Variants in KLHL24 observed in about 807,000 individuals in gnomAD.
The protein encoded by KLHL24 is kelch-like protein 24.
KLHL24 carries 29 observed loss-of-function variants against 53.4 expected under a neutral mutation model. The observed-to-expected ratio is 0.54, with a 90% CI of 0.40 to 0.74. The LOEUF is 0.74. Among genes scored for constraint, KLHL24 ranks in the 30% least tolerant of loss-of-function variants. The probability of loss-of-function intolerance (pLI) is 0.00; values close to 1 mark genes in which losing one functional copy is unlikely to be tolerated. For missense variants in KLHL24, 504 were observed against 744.0 expected (o/e 0.68, Z 3.75); for synonymous variants, 222 against 253.7 (o/e 0.88, Z 1.19).
At chr3:183,639,584 C>G (rs142886609) in intron 1 of KLHL24, among the ~76,000 whole-genome samples, 9,615 of 136,872 alleles carry the variant, frequency 0.07, 1,128 homozygotes, top group African/African-American at 0.25. Context: ...GAGCCAAGAT[C>G]GCGCCGCTGC....
intron 7 of KLHL24, among the ~76,000 whole-genome samples, chr3:183,674,245 T>TTC (rs1486864928): frequency 3.4e-5 from 3 of 88,248 alleles, no homozygotes; most frequent in Non-Finnish European, 7.1e-5. Context: ...AGCATCAATT[T>TTC]TCTTTCTTTC....
At chr3:183,657,756 G>GT (rs1275823220) in intron 3 of KLHL24, among the ~76,000 whole-genome samples, 1 of 152,120 alleles carries the variant, frequency 6.6e-6, no homozygotes, top group Non-Finnish European at 1.5e-5. Context: ...ATTGTTCATT[G>GT]TTTTGAACTC....
chr3:183,649,278 T>C (rs1182152723), intron 2 of KLHL24, among the ~76,000 whole-genome samples: 1 of 152,210 alleles, frequency 6.6e-6, no homozygotes, highest in East Asian at 1.9e-4. Flanking sequence ...TCTGTTGGCA[T>C]ATGTTTTGTG....
At position 183,663,807 on chromosome 3, in the gene KLHL24, A is replaced by G. The variant is rs1279174197; in HGVS notation, c.1105+165A>G. ...TGACTTTTTGCTCTTAAAAACAGGT[A>G]CAAGGCCAGGCGCGGTGGCTCACGC... On this transcript the variant is annotated intron_variant, in intron 4 of 7. Transcript: ENST00000242810. The surrounding 1 kb of genome is among the most constrained non-coding windows in gnomAD (Gnocchi z 4.9). Among the ~76,000 whole-genome samples, 1 of 152,160 alleles carries G rather than the reference A, an allele frequency of 6.6e-6. No individual in the cohort carries two copies. The highest frequency in any genetic ancestry group is 1.9e-4 in the East Asian group (1 of 5,190).
In KLHL24 at chr3:183,659,654, T is replaced by G. The variant is rs1369890924; in HGVS notation, c.921-3804T>G. Among the ~76,000 whole-genome samples the G allele has an allele frequency of 2.0e-5, 3 of 152,376 alleles. No individual in the cohort carries two copies. In the South Asian group the frequency reaches 6.2e-4, roughly 32 times the overall value. On this transcript the variant is annotated intron_variant, in intron 3 of 7. Coordinates refer to ENST00000242810, the MANE Select transcript of KLHL24 (RefSeq NM_017644.3). ...ATCAGAAACCAAGCTGTGCCTTCTC[T>G]CTACCTCTTGCCTCTGCTTTTCTCT...
In KLHL24 at chr3:183,663,708, A is replaced by G. The variant is rs1370670434; in HGVS notation, c.1105+66A>G. The G allele has an allele frequency of 2.3e-6, 2 of 885,474 alleles. No individual in the cohort carries two copies. Among genetic ancestry groups the G allele is most frequent in the Admixed American group, 5.5e-5 (2 of 36,600 alleles). The allele number at this position is 885,474 out of a possible 1,614,324, so 54.9% of individuals were successfully genotyped here. ...CACAGCTTCATTATTTTAAACATCA[A>G]CAGTGTCTTAAAATAGTGAAATGTG... On this transcript the variant is annotated intron_variant, in intron 4 of 7. Transcript: ENST00000242810. The surrounding 1 kb of genome is among the most constrained non-coding windows in gnomAD (Gnocchi z 4.9).
In KLHL24 at chr3:183,680,359, G is replaced by A. The variant is rs1484196332; in HGVS notation, c.*1073G>A. The A allele has an allele frequency of 1.3e-5, 2 of 152,188 alleles. No individual in the cohort carries two copies. The highest frequency in any genetic ancestry group is 2.9e-5 in the Non-Finnish European group (2 of 68,062). 9.4% of individuals were successfully genotyped at this position (152,188 alleles called of 1,614,324 possible). ...AGCCCAGTAGAGTTTGACCTCATTA[G>A]TATGGTGCTTTGGGTGAGGACCTCT... On this transcript the variant is annotated 3_prime_UTR_variant, in exon 8 of 8. Coordinates refer to ENST00000242810, the MANE Select transcript of KLHL24 (RefSeq NM_017644.3).
chr3:183,679,428 TATCA>T lies in KLHL24; in HGVS notation c.*146_*149del, dbSNP rs1233081828. On this transcript the variant is annotated 3_prime_UTR_variant, in exon 8 of 8. Coordinates refer to ENST00000242810, the MANE Select transcript of KLHL24 (RefSeq NM_017644.3). Reference sequence around the variant, plus strand: ...TAATTTGGTGCCTTTCTCCTCAAAATATCAATCTTTCAAACTATAATAAAGCCTT... The same window carrying T: ...TAATTTGGTGCCTTTCTCCTCAAAATATCTTTCAAACTATAATAAAGCCTT... 1 of 627,392 alleles carries T rather than the reference TATCA, an allele frequency of 1.6e-6. No homozygotes were observed. The highest frequency in any genetic ancestry group is 3.1e-5 in the Admixed American group (1 of 32,446). 38.9% of individuals were successfully genotyped at this position (627,392 alleles called of 1,614,324 possible). A position where few individuals can be genotyped will look rare whatever the true frequency, so the allele number is the denominator to read the frequency against.
In KLHL24 at chr3:183,681,946, T is replaced by C. The variant is rs1164420480; in HGVS notation, c.*2660T>C. 2 of 152,398 alleles carry C rather than the reference T, an allele frequency of 1.3e-5. No individual in the cohort carries two copies. The highest frequency in any genetic ancestry group is 4.8e-5 in the African/African-American group (2 of 41,312). The allele number at this position is 152,398 out of a possible 1,614,324, so 9.4% of individuals were successfully genotyped here. Reference sequence around the variant, plus strand: ...GATAGTATGGTTGTATACACACATATATACCAAACACCATGAATTTTAGCA... The same window carrying C: ...GATAGTATGGTTGTATACACACATACATACCAAACACCATGAATTTTAGCA... On this transcript the variant is annotated 3_prime_UTR_variant, in exon 8 of 8. Coordinates refer to ENST00000242810, the MANE Select transcript of KLHL24 (RefSeq NM_017644.3).
At position 183,650,016 on chromosome 3, in the gene KLHL24, T is replaced by G. The variant is rs1717905628; in HGVS notation, c.-61-280T>G. 6.6e-6 allele frequency among the ~76,000 whole-genome samples: 1 copy of G among 152,162 alleles called. No individual in the cohort carries two copies. The highest frequency in any genetic ancestry group is 1.5e-5 in the Non-Finnish European group (1 of 68,028). ...ATAGTATGAAACTCAGCTCTGTAAA[T>G]GGGGAGGAAACGGAAGGTTATTAGT... is the stretch of plus-strand genomic sequence containing the variant. On this transcript the variant is annotated intron_variant, in intron 2 of 7. Coordinates refer to ENST00000242810, the MANE Select transcript of KLHL24 (RefSeq NM_017644.3). The surrounding 1 kb of genome is among the most constrained non-coding windows in gnomAD (Gnocchi z 4.5).
chr3:183,657,335 C>T (rs9870574), intron 3 of KLHL24, among the ~76,000 whole-genome samples: 50,931 of 152,046 alleles, frequency 0.33, 9,390 homozygotes, highest in African/African-American at 0.49. Context: ...CACTGAGCAA[C>T]AGACATAGCT....
At chr3:183,638,503 T>A (rs56014870) in intron 1 of KLHL24, among the ~76,000 whole-genome samples, 2 of 152,172 alleles carry the variant, frequency 1.3e-5, no homozygotes, top group Non-Finnish European at 2.9e-5. Context: ...ATGGACTGTA[T>A]AATGGAAAAA....
rs1044358478 is a variant in KLHL24 at position 183,666,653 on chromosome 3, A to G, written c.1224+1614A>G. Among the ~76,000 whole-genome samples the G allele has an allele frequency of 2.0e-5, 3 of 152,188 alleles. No homozygotes were observed. In the East Asian group the frequency reaches 5.8e-4, roughly 29 times the overall value. On this transcript the variant is annotated intron_variant, in intron 5 of 7. Transcript: ENST00000242810. ...AAAATCCAAGATCTGAAATGTTCCA[A>G]TGAGCATTTCCTTTGAGCATTAATG...
chr3:183,654,923 G>A (rs1263901018), intron 3 of KLHL24, among the ~76,000 whole-genome samples: 2 of 152,204 alleles, frequency 1.3e-5, no homozygotes, highest in Admixed American at 1.3e-4. Context: ...TATGTAATGT[G>A]TATAATATAT....
chr3:183,669,069 GC>G (rs1720975344), intron 5 of KLHL24, among the ~76,000 whole-genome samples: 1 of 152,046 alleles, frequency 6.6e-6, no homozygotes. Flanking sequence ...TAATCTAGAG[GC>G]CTTTTGTCTT....
chr3:183,684,158 A>T lies in KLHL24; in HGVS notation c.*4872A>T, dbSNP rs768000431. On this transcript the variant is annotated 3_prime_UTR_variant, in exon 8 of 8. Coordinates refer to ENST00000242810, the MANE Select transcript of KLHL24 (RefSeq NM_017644.3). Reference sequence around the variant, plus strand: ...TTTTCATTTACCTTTTTGAAAAAGCACTTACTCTCCCCTTCCCTATCACCC... The same window carrying T: ...TTTTCATTTACCTTTTTGAAAAAGCTCTTACTCTCCCCTTCCCTATCACCC... 8 of 152,110 alleles carry T rather than the reference A, an allele frequency of 5.3e-5. No individual in the cohort carries two copies. Among genetic ancestry groups the T allele is most frequent in the Non-Finnish European group, 7.4e-5 (5 of 68,002 alleles). 9.4% of individuals were successfully genotyped at this position (152,110 alleles called of 1,614,324 possible). A position where few individuals can be genotyped will look rare whatever the true frequency, so the allele number is the denominator to read the frequency against.
intron 3 of KLHL24, among the ~76,000 whole-genome samples, chr3:183,661,687 C>T (rs531806520): frequency 9.2e-4 from 140 of 152,250 alleles, no homozygotes; most frequent in African/African-American, 3.1e-3. Context: ...AGTACAAAAA[C>T]AGATAACATA....
intron 7 of KLHL24, among the ~76,000 whole-genome samples, chr3:183,678,471 C>T (rs1712282128): frequency 6.6e-6 from 1 of 152,140 alleles, no homozygotes; most frequent in Non-Finnish European, 1.5e-5. Context: ...TATCAGTCCA[C>T]ATCCTACCTC....
At chr3:183,664,390 T>A (rs1459259619) in intron 4 of KLHL24, among the ~76,000 whole-genome samples, 1 of 152,184 alleles carries the variant, frequency 6.6e-6, no homozygotes, top group East Asian at 1.9e-4. Flanking sequence ...ATATGTTACC[T>A]TTAAAATTAG....
Sources: gnomAD v4.1 joint callset for allele counts (sites outside exome capture counted in the v4.1 genomes callset) on GRCh38, gnomAD v4.1.1 for gene constraint, Gnocchi (gnomAD v3.1) non-coding constraint, MANE v1.5 for transcripts, NCBI Gene and HGNC (gene_info 2026-07-23, HGNC 2026-07-21) for gene names.